Variants in VSTM1 observed in about 807,000 individuals in gnomAD.
VSTM1 encodes the protein V-set and transmembrane domain containing 1.
VSTM1 carries 27 observed loss-of-function variants against 33.1 expected under a neutral mutation model. That is an observed-to-expected ratio of 0.82 (90% CI 0.60 to 1.12). The LOEUF is 1.12. Ranked by LOEUF, VSTM1 falls within the 50% of genes most tolerant of loss-of-function variation. The probability of loss-of-function intolerance (pLI) is 0.00; values close to 1 mark genes in which losing one functional copy is unlikely to be tolerated. For synonymous variants in VSTM1, 115 were observed against 110.3 expected, an observed-to-expected ratio of 1.04 and a Z score of -0.27; for missense variants, 304 against 288.9, an observed-to-expected ratio of 1.05 and a Z score of -0.38.
chr19:54,051,728 C>G (rs1215271964), intron 3 of VSTM1, among the ~76,000 whole-genome samples: 1 of 152,102 alleles, frequency 6.6e-6, no homozygotes, highest in Non-Finnish European at 1.5e-5. Context: ...TGCCAGTCTT[C>G]TCTATCTTGA....
intron 4 of VSTM1, among the ~76,000 whole-genome samples, chr19:54,050,640 C>A (rs914192930): frequency 1.1e-4 from 17 of 152,062 alleles, no homozygotes; most frequent in Admixed American, 8.5e-4. Context: ...TCCTCCACCC[C>A]CCAAAACACA....
chr19:54,041,589 C>T (rs1294353525), intron 8 of VSTM1, among the ~76,000 whole-genome samples, 190 bp downstream of exon 8: 8 of 152,332 alleles, frequency 5.3e-5, no homozygotes, highest in African/African-American at 1.7e-4. Context: ...GCGTGAGCCA[C>T]CGCGCCCGGC....
Position 54,058,335 on chromosome 19 carries a change from C to A in VSTM1, c.326G>T (p.Ser109Ile). The A allele has an allele frequency of 6.2e-7, 1 of 1,614,044 alleles. No homozygotes were observed. Among genetic ancestry groups the A allele is most frequent in the Non-Finnish European group, 8.5e-7 (1 of 1,179,996 alleles). The change falls in exon 3 of 9, where the codon AGC becomes ATC. Residue 109 changes from serine to isoleucine, a missense_variant. Transcript: ENST00000338372. Reference protein sequence around the residue: ...KTTASHEWSESSEHLQLVVTD... With the variant: ...KTTASHEWSEISEHLQLVVTD... Reference sequence around the variant, plus strand: ...GACCACCAGCTGCAAGTGTTCACTGCTTTCTGACCACTCATGGGAGGCTGT... The same window carrying A: ...GACCACCAGCTGCAAGTGTTCACTGATTTCTGACCACTCATGGGAGGCTGT...
At chr19:54,056,544 A>C (rs1315989794) in intron 3 of VSTM1, among the ~76,000 whole-genome samples, 1 of 139,518 alleles carries the variant, frequency 7.2e-6, no homozygotes, top group African/African-American at 2.7e-5. Flanking sequence ...TTCTCCCCAC[A>C]AAATACAATC....
At chr19:54,050,851 A>T (rs1476798612) in intron 4 of VSTM1, among the ~76,000 whole-genome samples, 1 of 150,856 alleles carries the variant, frequency 6.6e-6, no homozygotes, top group African/African-American at 2.4e-5. Flanking sequence ...ACTGAGCTGG[A>T]TATGGTGGTG....
chr19:54,041,592 C>T (rs897944654), intron 8 of VSTM1, among the ~76,000 whole-genome samples, 187 bp downstream of exon 8: 6 of 152,202 alleles, frequency 3.9e-5, no homozygotes, highest in African/African-American at 7.2e-5. Context: ...TGAGCCACCG[C>T]GCCCGGCCCA....
intron 4 of VSTM1, among the ~76,000 whole-genome samples, chr19:54,046,189 G>A (rs35278140): frequency 0.06 from 9,058 of 151,852 alleles, 330 homozygotes; most frequent in East Asian, 0.11. Context: ...CTGCCTACTT[G>A]CCTATTATCT....
chr19:54,058,812 C>G, intron 1 of VSTM1, 80 bp from the exon 2 acceptor site: 1 of 1,042,550 alleles, frequency 9.6e-7, no homozygotes. Flanking sequence ...ATGACTAGCT[C>G]TTTATAGGTC....
intron 1 of VSTM1, among the ~76,000 whole-genome samples, chr19:54,061,974 G>A (rs1452049722): frequency 2.6e-5 from 4 of 152,154 alleles, no homozygotes; most frequent in African/African-American, 9.7e-5. Flanking sequence ...TGGCCAACGT[G>A]GTGAAACCCT....
intron 1 of VSTM1, among the ~76,000 whole-genome samples, chr19:54,060,725 C>G (rs1182505597): frequency 1.3e-5 from 2 of 152,134 alleles, no homozygotes; most frequent in Non-Finnish European, 2.9e-5. Context: ...GGGTCTCACT[C>G]TGTGGCCCAG....
At chr19:54,049,462 G>A (rs1167700377) in intron 4 of VSTM1, among the ~76,000 whole-genome samples, 2 of 152,156 alleles carry the variant, frequency 1.3e-5, no homozygotes, top group African/African-American at 2.4e-5. Flanking sequence ...GATACAAAAT[G>A]CCAGTGAATT....
intron 3 of VSTM1, 56 bp downstream of exon 3, chr19:54,058,250 A>AC: frequency 6.4e-7 from 1 of 1,556,554 alleles, no homozygotes; most frequent in Admixed American, 2.0e-5. Context: ...AAAAAAAAAA[A>AC]AGCAAAGCCA....
At chr19:54,059,084 G>A (rs1327457300) in intron 1 of VSTM1, among the ~76,000 whole-genome samples, 12 of 108,544 alleles carry the variant, frequency 1.1e-4, no homozygotes, top group Non-Finnish European at 1.6e-4. Context: ...TTTTTGAAAT[G>A]TAGTCTTGCT....
chr19:54,061,472 T>A (rs1416240674), intron 1 of VSTM1, among the ~76,000 whole-genome samples: 1 of 152,030 alleles, frequency 6.6e-6, no homozygotes, highest in Non-Finnish European at 1.5e-5. Flanking sequence ...TAATCCAATA[T>A]AACTTACAAG....
chr19:54,051,305 A>G, intron 4 of VSTM1, 105 bp downstream of exon 4: 1 of 1,064,340 alleles, frequency 9.4e-7, no homozygotes, highest in Admixed American at 2.7e-5. Flanking sequence ...AAACAAACAA[A>G]CAAACAAACA....
intron 4 of VSTM1, among the ~76,000 whole-genome samples, chr19:54,047,152 G>A (rs956763668): frequency 4.6e-5 from 7 of 152,020 alleles, no homozygotes; most frequent in Admixed American, 6.6e-5. Context: ...CCAAGATCAC[G>A]CCATTGCACT....
In VSTM1 at chr19:54,057,389, C is replaced by G. The variant is rs1037552001; in HGVS notation, c.355+917G>C. On this transcript the variant is annotated intron_variant, in intron 3 of 8. Coordinates refer to ENST00000338372, the MANE Select transcript of VSTM1 (RefSeq NM_198481.4). ...AATTAGCCAGGCATGGTGGTGCTTGCCTGTACTCCCAGCTACTTGGGAGGC... is the reference window on the plus strand; with the variant it reads ...AATTAGCCAGGCATGGTGGTGCTTGGCTGTACTCCCAGCTACTTGGGAGGC... Among the ~76,000 whole-genome samples the G allele has an allele frequency of 2.7e-5, 4 of 150,586 alleles. 1 individual carries two copies. The highest frequency in any genetic ancestry group is 9.8e-5 in the African/African-American group (4 of 40,950).
intron 4 of VSTM1, among the ~76,000 whole-genome samples, chr19:54,049,256 T>C (rs1168602243): frequency 6.6e-6 from 1 of 152,168 alleles, no homozygotes; most frequent in African/African-American, 2.4e-5. Flanking sequence ...AAGGATCACA[T>C]AGTGTATGAA....
intron 3 of VSTM1, among the ~76,000 whole-genome samples, chr19:54,056,765 A>T (rs1270543100): frequency 7.1e-6 from 1 of 140,750 alleles, no homozygotes; most frequent in Non-Finnish European, 1.6e-5. Flanking sequence ...CCACATCCAC[A>T]TCATTGGGAC....
Sources: allele counts gnomAD v4.1 joint callset (sites outside exome capture counted in the v4.1 genomes callset), GRCh38; gene constraint gnomAD v4.1.1; transcripts MANE v1.5; gene names NCBI Gene and HGNC (gene_info 2026-07-23, HGNC 2026-07-21).